The following TRAF3 variants were observed in gnomAD, a reference collection of about 807,000 sequenced individuals.
TRAF3 encodes TNF receptor-associated factor 3.
In TRAF3, 13 loss-of-function variants were observed where a neutral mutation model predicts 62.3. That is an observed-to-expected ratio of 0.21 (90% CI 0.14 to 0.33). The LOEUF (loss-of-function observed/expected upper bound fraction) is 0.33, where lower values mean the gene tolerates loss of function less well. Among genes scored for constraint, TRAF3 ranks in the 10% least tolerant of loss-of-function variants. The pLI is 1.00. For synonymous variants in TRAF3, 269 were observed against 283.4 expected (o/e 0.95, Z 0.51); for missense variants, 440 against 741.8 (o/e 0.59, Z 4.73).
At chr14:102,900,801 T>C (rs909827763) in intron 10 of TRAF3, among the ~76,000 whole-genome samples, 1 of 152,230 alleles carries the variant, frequency 6.6e-6, no homozygotes, top group Non-Finnish European at 1.5e-5. Flanking sequence ...GGGCTGATGC[T>C]CCCTGAAGGC....
chr14:102,814,835 C>A (rs2139542044), intron 1 of TRAF3, among the ~76,000 whole-genome samples: 1 of 152,270 alleles, frequency 6.6e-6, no homozygotes, highest in African/African-American at 2.4e-5. Flanking sequence ...TTTTCAATTT[C>A]TTGATGGTGT....
intron 10 of TRAF3, among the ~76,000 whole-genome samples, chr14:102,900,836 T>A (rs1380018193): frequency 6.6e-6 from 1 of 152,238 alleles, no homozygotes; most frequent in Non-Finnish European, 1.5e-5. Flanking sequence ...GGATTGTTGA[T>A]GTGGAGTGCA....
At chr14:102,843,163 A>G (rs956941758) in intron 2 of TRAF3, among the ~76,000 whole-genome samples, 3 of 151,584 alleles carry the variant, frequency 2.0e-5, no homozygotes, top group African/African-American at 7.3e-5. Flanking sequence ...AGATCGTGCC[A>G]CTGCACTCTA....
At chr14:102,848,435 CATA>C (rs1042630675) in intron 2 of TRAF3, among the ~76,000 whole-genome samples, 6 of 152,086 alleles carry the variant, frequency 3.9e-5, no homozygotes, top group African/African-American at 1.2e-4. Context: ...CCCTTTAAAA[CATA>C]ATAATAATCT....
intron 2 of TRAF3, among the ~76,000 whole-genome samples, chr14:102,854,881 T>C (rs573139529): frequency 1.3e-5 from 2 of 151,720 alleles, no homozygotes; most frequent in South Asian, 4.2e-4. Flanking sequence ...TAAAAGTGAA[T>C]GATTCAGTGG....
At chr14:102,853,358 C>G (rs573530099) in intron 2 of TRAF3, among the ~76,000 whole-genome samples, 5 of 151,948 alleles carry the variant, frequency 3.3e-5, no homozygotes, top group African/African-American at 1.2e-4. Context: ...TTTTTATGTT[C>G]GTGGTGGTGG....
intron 9 of TRAF3, among the ~76,000 whole-genome samples, chr14:102,894,116 C>T (rs1477328255): frequency 6.6e-6 from 1 of 152,052 alleles, no homozygotes; most frequent in Non-Finnish European, 1.5e-5. Context: ...TGCCTGAGCT[C>T]GGGAGTTCGA....
intron 2 of TRAF3, among the ~76,000 whole-genome samples, chr14:102,833,831 A>G (rs987676496): frequency 2.0e-5 from 3 of 152,018 alleles, no homozygotes; most frequent in African/African-American, 7.2e-5. Context: ...CATCTCTACT[A>G]AAAATACAAA....
intron 4 of TRAF3, among the ~76,000 whole-genome samples, chr14:102,873,378 A>G (rs1192747529): frequency 6.6e-6 from 1 of 152,208 alleles, no homozygotes; most frequent in Non-Finnish European, 1.5e-5. Context: ...GCCTTGGCCT[A>G]GCATGGTACT....
chr14:102,891,494 G>A (rs1336488176), intron 9 of TRAF3, 77 bp downstream of exon 9: 9 of 1,441,738 alleles, frequency 6.2e-6, no homozygotes, highest in Non-Finnish European at 8.5e-6. Flanking sequence ...CCTTTTTGTA[G>A]TTATTAATGG....
intron 10 of TRAF3, among the ~76,000 whole-genome samples, chr14:102,897,839 G>A (rs1229087714): frequency 2.6e-5 from 4 of 152,248 alleles, no homozygotes; most frequent in African/African-American, 9.6e-5. Context: ...CACCCGCTGG[G>A]TTTCACTGTG....
intron 1 of TRAF3, among the ~76,000 whole-genome samples, chr14:102,798,403 G>T (rs976318186): frequency 6.6e-6 from 1 of 152,186 alleles, no homozygotes; most frequent in Admixed American, 6.5e-5. Context: ...ACTTTGGGAG[G>T]CAAAGGTGAG....
At chr14:102,798,769 C>T (rs1898234014) in intron 1 of TRAF3, among the ~76,000 whole-genome samples, 1 of 152,182 alleles carries the variant, frequency 6.6e-6, no homozygotes. Flanking sequence ...CCACTGTACC[C>T]GGCCTCAGCA....
intron 2 of TRAF3, among the ~76,000 whole-genome samples, chr14:102,849,368 T>G (rs1227117596): frequency 6.6e-6 from 1 of 152,206 alleles, no homozygotes; most frequent in Non-Finnish European, 1.5e-5. Context: ...AGCCCTTGGC[T>G]CCTCTCGCTG....
At chr14:102,812,157 C>T (rs990546169) in intron 1 of TRAF3, among the ~76,000 whole-genome samples, 7 of 151,828 alleles carry the variant, frequency 4.6e-5, no homozygotes, top group Non-Finnish European at 8.8e-5. Flanking sequence ...TTTTCCCATC[C>T]TCCTACCCTT....
At chr14:102,853,930 C>A (rs1379525572) in intron 2 of TRAF3, among the ~76,000 whole-genome samples, 1 of 152,084 alleles carries the variant, frequency 6.6e-6, no homozygotes, top group Non-Finnish European at 1.5e-5. Context: ...TACCACTAAG[C>A]AGGCACTCTC....
At position 102,906,072 on chromosome 14, in the gene TRAF3, G is replaced by A. The variant is rs1443134086; in HGVS notation, c.*288G>A. On this transcript the variant is annotated 3_prime_UTR_variant, in exon 12 of 12. Transcript: ENST00000392745. ...TTTAAAGATCTAGTTAATTAAGGTG[G>A]AAAACATATATGCTAAACAAAAGAA... The A allele has an allele frequency of 1.8e-5, 6 of 342,222 alleles. No homozygotes were observed. Among genetic ancestry groups the A allele is most frequent in the African/African-American group, 4.1e-5 (2 of 48,666 alleles). The allele number at this position is 342,222 out of a possible 1,614,324, so 21.2% of individuals were successfully genotyped here. A position where few individuals can be genotyped will look rare whatever the true frequency, so the allele number is the denominator to read the frequency against.
intron 1 of TRAF3, 65 bp downstream of exon 1, chr14:102,777,740 T>C (rs891654286): frequency 6.4e-4 from 92 of 143,480 alleles, no homozygotes; most frequent in African/African-American, 2.3e-3. Flanking sequence ...CCCCGTCGCC[T>C]CCATCCCGCG....
At chr14:102,891,867 A>C (rs1889736907) in intron 9 of TRAF3, among the ~76,000 whole-genome samples, 1 of 152,190 alleles carries the variant, frequency 6.6e-6, no homozygotes, top group Admixed American at 6.5e-5. Flanking sequence ...TAAGTTTGCC[A>C]GCCCGGACCT....
Sources: gnomAD v4.1 joint callset for allele counts (sites outside exome capture counted in the v4.1 genomes callset) on GRCh38, gnomAD v4.1.1 for gene constraint, MANE v1.5 for transcripts, NCBI Gene and HGNC (gene_info 2026-07-23, HGNC 2026-07-21) for gene names.